The following AMZ1 variants were observed in gnomAD, a reference collection of about 807,000 sequenced individuals.
AMZ1 encodes the protein archaemetzincin-1.
A neutral mutation model predicts 29.9 loss-of-function variants in AMZ1; 39 were observed. The observed-to-expected ratio is 1.30, with a 90% CI of 1.01 to 1.70. The LOEUF (loss-of-function observed/expected upper bound fraction) is 1.70. AMZ1 is among the 40% of genes most tolerant of loss of function. The pLI is 0.00. For synonymous variants in AMZ1, 458 were observed against 304.0 expected, an observed-to-expected ratio of 1.51 and a Z score of -5.27; for missense variants, 1,041 against 680.6, an observed-to-expected ratio of 1.53 and a Z score of -5.89.
intron 4 of AMZ1, among the ~76,000 whole-genome samples, chr7:2,747,739 T>C (rs1790835970): frequency 6.6e-6 from 1 of 152,256 alleles, no homozygotes; most frequent in African/African-American, 2.4e-5. Context: ...TTGTCCCTGT[T>C]TGCAGACGAC....
rs1788985924 is a variant in AMZ1, at chr7:2,714,204, C to T, written c.*1326C>T. 1 of 152,354 alleles carries T rather than the reference C, an allele frequency of 6.6e-6. No individual in the cohort carries two copies. The highest frequency in any genetic ancestry group is 1.9e-4 in the East Asian group (1 of 5,332). 9.4% of individuals were successfully genotyped at this position (152,354 alleles called of 1,614,324 possible). A position where few individuals can be genotyped will look rare whatever the true frequency, so the allele number is the denominator to read the frequency against. ...GGGGTCACAGCTCGCGCACCCTCAT[C>T]TGGAGAGAGGCAAGAACAGGGCAGC... is the stretch of plus-strand genomic sequence containing the variant. On this transcript the variant is annotated 3_prime_UTR_variant, in exon 7 of 7. Transcript: ENST00000683327.
intron 6 of AMZ1, among the ~76,000 whole-genome samples, chr7:2,710,879 C>T (rs1462941175): frequency 2.0e-5 from 3 of 152,240 alleles, no homozygotes; most frequent in Non-Finnish European, 4.4e-5. Context: ...TTGCTGCTGC[C>T]AGCTGTGCCC....
In AMZ1 at chr7:2,715,100, G is replaced by C. The variant is rs1444834114; in HGVS notation, c.*2222G>C. On this transcript the variant is annotated 3_prime_UTR_variant, in exon 7 of 7. Transcript: ENST00000683327. ...TGGGCTTCCTCACAATATGGCGGTT[G>C]CCCTCCTAAGGTGGACATCGGGAGG... 1 of 152,188 alleles carries C rather than the reference G, an allele frequency of 6.6e-6. No individual in the cohort carries two copies. The highest frequency in any genetic ancestry group is 2.4e-5 in the African/African-American group (1 of 41,428). 9.4% of individuals were successfully genotyped at this position (152,188 alleles called of 1,614,324 possible).
At chr7:2,727,566 C>G (rs904306676) in intron 4 of AMZ1, among the ~76,000 whole-genome samples, 3 of 152,072 alleles carry the variant, frequency 2.0e-5, no homozygotes, top group Non-Finnish European at 4.4e-5. Flanking sequence ...GATGGGGTCT[C>G]TTGTGGCCTG....
At chr7:2,696,388 C>T (rs1410954912) in intron 1 of AMZ1, among the ~76,000 whole-genome samples, 7 of 150,812 alleles carry the variant, frequency 4.6e-5, no homozygotes, top group Non-Finnish European at 7.4e-5. Flanking sequence ...TCCCAAGTAG[C>T]TGGGACTACA....
upstream of AMZ1, chr7:2,762,845 C>T (rs551434206): frequency 7.5e-5 from 112 of 1,485,100 alleles, 1 homozygote; most frequent in Middle Eastern, 1.2e-3. Flanking sequence ...AGCGCGGCTC[C>T]GAAGCAGGAG....
In AMZ1 at chr7:2,700,525, A is replaced by G. The variant is rs1003519405; in HGVS notation, c.74A>G (p.Asp25Gly). 2 of 1,608,146 alleles carry G rather than the reference A, an allele frequency of 1.2e-6. No individual in the cohort carries two copies. Among genetic ancestry groups the G allele is most frequent in the Admixed American group, 1.7e-5 (1 of 60,024 alleles). Residue 25 changes from aspartate (D) to glycine (G), a missense_variant, in exon 2 of 7, where the codon GAC (aspartate) becomes GGC (glycine). Coordinates refer to ENST00000683327, the MANE Select transcript of AMZ1 (RefSeq NM_001384743.1). The stretch of plus-strand genomic sequence containing the variant: ...TTGAAGGACGCTCTGGTCTCCACTG[A>G]CGCAGCCCTGCAGCAGCTGTATGTG... ...RALKDALVSTDAALQQLYVSA... is the reference protein window; with the variant it reads ...RALKDALVSTGAALQQLYVSA...
At chr7:2,754,310 T>C (rs993531652) in intron 4 of AMZ1, among the ~76,000 whole-genome samples, 17 of 152,190 alleles carry the variant, frequency 1.1e-4, no homozygotes, top group South Asian at 4.1e-4. Context: ...ATATGTTTTG[T>C]TATTTTCTGT....
Position 2,714,825 on chromosome 7 carries a change from G to A in AMZ1, c.*1947G>A, listed in dbSNP as rs78369115. ...GGGGCATCTTCTTAGGAAGGCAGCT[G>A]CCATACCGTGAGGAAACCCGACAAA... On this transcript the variant is annotated 3_prime_UTR_variant, in exon 7 of 7. Coordinates refer to ENST00000683327, the MANE Select transcript of AMZ1 (RefSeq NM_001384743.1). 0.016 allele frequency: 2,439 copies of A among 152,398 alleles called. 72 individuals carry two copies. The highest frequency in any genetic ancestry group is 0.055 in the African/African-American group (2,300 of 41,536). The allele number at this position is 152,398 out of a possible 1,614,324, so 9.4% of individuals were successfully genotyped here.
At chr7:2,738,638 G>T (rs1229211169) in intron 4 of AMZ1, among the ~76,000 whole-genome samples, 2 of 152,034 alleles carry the variant, frequency 1.3e-5, no homozygotes, top group Non-Finnish European at 2.9e-5. Context: ...GGGAATGGGG[G>T]ATGGGACAGA....
chr7:2,709,983 C>T lies in AMZ1; in HGVS notation c.948+167C>T, dbSNP rs373814668. 1.8e-4 allele frequency among the ~76,000 whole-genome samples: 27 copies of T among 152,322 alleles called. No individual in the cohort carries two copies. The East Asian group carries it at 1.9e-3, about 11-fold the overall frequency. ...ACCTGCGCTGGGGTTGAGCTCCATC[C>T]GGATCTCACTGGCAGTAGATCGAGT... On this transcript the variant is annotated intron_variant, in intron 6 of 6. Coordinates refer to ENST00000683327, the MANE Select transcript of AMZ1 (RefSeq NM_001384743.1).
intron 4 of AMZ1, among the ~76,000 whole-genome samples, chr7:2,735,337 G>A (rs552896762): frequency 2.3e-4 from 35 of 152,302 alleles, no homozygotes; most frequent in Middle Eastern, 3.4e-3. Context: ...GTGGCACCAG[G>A]CACGAAGGAA....
chr7:2,702,852 G>A lies in AMZ1; in HGVS notation c.435G>A (p.Arg145=). 1.3e-6 allele frequency: 2 copies of A among 1,584,884 alleles called. No individual in the cohort carries two copies. The highest frequency in any genetic ancestry group is 1.7e-6 in the Non-Finnish European group (2 of 1,171,516). Residue 145 remains arginine, a synonymous_variant, in exon 3 of 7, where the codon CGG becomes CGA. Coordinates refer to ENST00000683327, the MANE Select transcript of AMZ1 (RefSeq NM_001384743.1). ...CCGCGTCCATCCGCTGCTCCTCGCG[G>A]CCCAGCCGGGACTCTGACAGGCTCC... ...VAAASIRCSS[R]PSRDSDRLQL...
At chr7:2,743,476 C>T in intron 4 of AMZ1, among the ~76,000 whole-genome samples, 1 of 152,178 alleles carries the variant, frequency 6.6e-6, no homozygotes, top group East Asian at 1.9e-4. Context: ...GACTTTAAAG[C>T]AGCTATTATA....
In AMZ1 at chr7:2,713,018, T is replaced by G; in HGVS notation, c.*140T>G. On this transcript the variant is annotated 3_prime_UTR_variant, in exon 7 of 7. Transcript: ENST00000683327. ...GGCTCAGGCCTGTCATCCCATCACT[T>G]TGAGAGGCCAGGAGTTTGAGACCAG... is the stretch of plus-strand genomic sequence containing the variant. 6.3e-6 allele frequency: 6 copies of G among 947,594 alleles called. No individual in the cohort carries two copies. The highest frequency in any genetic ancestry group is 3.2e-5 in the East Asian group (1 of 31,476). The allele number at this position is 947,594 out of a possible 1,614,324, so 58.7% of individuals were successfully genotyped here.
At chr7:2,764,737 C>A (rs184965773) in exon 1 of AMZ1, 1 of 152,364 alleles carries the variant, frequency 6.6e-6, no homozygotes, top group East Asian at 1.9e-4. Flanking sequence ...CCAGTAGCTT[C>A]AGCCACAGCT....
chr7:2,724,229 A>C (rs1789536408), downstream of AMZ1, among the ~76,000 whole-genome samples: 2 of 152,216 alleles, frequency 1.3e-5, no homozygotes, highest in Non-Finnish European at 2.9e-5. Flanking sequence ...ACTTCTGGTC[A>C]GACTTTAACA....
intron 3 of AMZ1, 67 bp downstream of exon 3, chr7:2,702,956 A>G: frequency 6.7e-7 from 1 of 1,495,458 alleles, no homozygotes; most frequent in Non-Finnish European, 8.9e-7. Flanking sequence ...AGGTGGGAGG[A>G]AGGCGCCCAG....
chr7:2,728,950 G>A (rs894478400), intron 4 of AMZ1: 4 of 152,384 alleles, frequency 2.6e-5, no homozygotes, highest in African/African-American at 4.8e-5. Context: ...ATCCCCCTGC[G>A]CTTTCTATCG....
Sources: gnomAD v4.1 joint callset for allele counts (sites outside exome capture counted in the v4.1 genomes callset) on GRCh38, gnomAD v4.1.1 for gene constraint, MANE v1.5 for transcripts, NCBI Gene and HGNC (gene_info 2026-07-23, HGNC 2026-07-21) for gene names.